The following STRADA variants were observed in gnomAD, a reference collection of about 807,000 sequenced individuals.
The protein encoded by STRADA is STE20-related kinase adapter protein alpha.
Under a neutral mutation model 55.0 loss-of-function variants are expected in STRADA, and 26 were observed. That is an observed-to-expected ratio of 0.47 (90% CI 0.35 to 0.66). The LOEUF (loss-of-function observed/expected upper bound fraction) is 0.66. STRADA is among the 30% of genes least tolerant of loss of function. STRADA has a pLI of 0.01. For missense variants in STRADA, 443 were observed against 549.7 expected, an observed-to-expected ratio of 0.81 and a Z score of 1.94; for synonymous variants, 197 against 210.9, an observed-to-expected ratio of 0.93 and a Z score of 0.57.
At chr17:63,723,972 T>G (rs2144098887) in intron 3 of STRADA, 1 of 152,326 alleles carries the variant, frequency 6.6e-6, no homozygotes, top group Non-Finnish European at 1.5e-5. Context: ...TGACCTTCTC[T>G]ATTCTGTAAA....
intron 2 of STRADA, 74 bp from the exon 3 acceptor site, chr17:63,726,769 G>T: frequency 6.8e-7 from 1 of 1,476,868 alleles, no homozygotes; most frequent in Non-Finnish European, 9.4e-7. Context: ...CCTTTAGACA[G>T]ACAAACAAAA....
chr17:63,736,836 A>AC (rs1430936261), intron 1 of STRADA, among the ~76,000 whole-genome samples: 1,469 of 55,944 alleles, frequency 0.026, 20 homozygotes, highest in South Asian at 0.044. Context: ...TCTTCCCCCC[A>AC]CGCCCCCCCC....
In STRADA at chr17:63,713,416, G is replaced by A. The variant is rs2036636491; in HGVS notation, c.338C>T (p.Thr113Ile). ...CTCATGGTTTATTACCTGCAAGAAT[G>A]TTACCATCTCATTGGAACAAGCTTC... is the stretch of plus-strand genomic sequence containing the variant. ...NLEACSNEMV[T>I]FLQGELHVSK... Residue 113 changes from threonine (T) to isoleucine (I), a missense_variant, in exon 6 of 13, where the codon ACA (threonine) becomes ATA (isoleucine). Thr to Ile is a moderately conservative substitution (Grantham distance 89). Transcript: ENST00000336174. 6.2e-7 allele frequency: 1 copy of A among 1,613,782 alleles called. No individual in the cohort carries two copies. Among genetic ancestry groups the A allele is most frequent in the Admixed American group, 1.7e-5 (1 of 59,964 alleles).
chr17:63,718,625 G>C (rs2037068093), intron 4 of STRADA, among the ~76,000 whole-genome samples: 2 of 152,108 alleles, frequency 1.3e-5, no homozygotes, highest in Non-Finnish European at 2.9e-5. Flanking sequence ...TTTGGCCCTT[G>C]CCTACCTCTG....
At chr17:63,712,998 C>T (rs2036605389) in intron 6 of STRADA, among the ~76,000 whole-genome samples, 1 of 78,982 alleles carries the variant, frequency 1.3e-5, no homozygotes, top group Non-Finnish European at 2.3e-5. Context: ...GAGAATCCGT[C>T]TCAAAAAAAA....
At chr17:63,703,943 A>G in intron 12 of STRADA, 62 bp downstream of exon 12, 1 of 1,609,676 alleles carries the variant, frequency 6.2e-7, no homozygotes, top group East Asian at 2.2e-5. Flanking sequence ...AGAAAGCTAA[A>G]GGGATTGTGA....
At position 63,703,326 on chromosome 17, in the gene STRADA, G is replaced by A. The variant is rs138987368; in HGVS notation, c.*273C>T. 148 of 353,562 alleles carry A rather than the reference G, an allele frequency of 4.2e-4. 2 individuals are homozygous for A. Among genetic ancestry groups the A allele is most frequent in the African/African-American group, 2.9e-3 (137 of 47,734 alleles). 21.9% of individuals were successfully genotyped at this position (353,562 alleles called of 1,614,324 possible). A position where few individuals can be genotyped will look rare whatever the true frequency, so the allele number is the denominator to read the frequency against. On this transcript the variant is annotated 3_prime_UTR_variant, in exon 13 of 13. Transcript: ENST00000336174. ...GGCCAGAGCAGCATCTCTCTTCTGC[G>A]GAGGAGGTCACCTGAGCTCACAGGA...
chr17:63,737,279 T>TAAAAAAAAAAAAA (rs2038516780), intron 1 of STRADA: 4 of 63,432 alleles, frequency 6.3e-5, no homozygotes, highest in Non-Finnish European at 1.1e-4. Flanking sequence ...AAAAAAAAAT[T>TAAAAAAAAAAAAA]GAGATAGTTC....
chr17:63,716,147 G>A (rs192134120), intron 4 of STRADA, among the ~76,000 whole-genome samples: 81 of 149,746 alleles, frequency 5.4e-4, no homozygotes, highest in African/African-American at 2.0e-3. Context: ...CCAGGCTGGA[G>A]TGCAGTGGCA....
Position 63,713,436 on chromosome 17 carries a change from A to C in STRADA, c.318T>G (p.Ala106=). The change falls in exon 6 of 13, where the codon GCT becomes GCG. Residue 106 remains alanine, a synonymous_variant. Transcript: ENST00000336174. ...AGAATGTTACCATCTCATTGGAACA[A>C]GCTTCTAGGTTAATCCTCCGTACAG... The part of the protein sequence containing the change: ...YVTVRRINLE[A]CSNEMVTFLQ... 6.2e-7 allele frequency: 1 copy of C among 1,614,128 alleles called. No individual in the cohort carries two copies. The highest frequency in any genetic ancestry group is 2.2e-5 in the East Asian group (1 of 44,880).
chr17:63,707,903 T>TTC (rs1357497822), intron 8 of STRADA, among the ~76,000 whole-genome samples: 1 of 150,448 alleles, frequency 6.6e-6, no homozygotes, highest in East Asian at 2.0e-4. Flanking sequence ...GCTAATTTTT[T>TTC]TTTTTTTGTA....
chr17:63,707,823 C>T (rs896244450), intron 8 of STRADA, among the ~76,000 whole-genome samples: 7 of 151,666 alleles, frequency 4.6e-5, no homozygotes, highest in East Asian at 1.9e-4. Flanking sequence ...CTCCGCCTCC[C>T]GGGTTCACAC....
intron 10 of STRADA, chr17:63,704,836 T>C: frequency 6.5e-7 from 1 of 1,535,726 alleles, no homozygotes; most frequent in Non-Finnish European, 8.7e-7. Flanking sequence ...TCGCCATGGC[T>C]GGAAAGCAGG....
intron 1 of STRADA, among the ~76,000 whole-genome samples, chr17:63,739,693 T>G (rs563915295): frequency 6.7e-6 from 1 of 148,772 alleles, no homozygotes; most frequent in East Asian, 1.9e-4. Context: ...GTACATAGTG[T>G]ATTAATATGT....
At chr17:63,706,564 G>A (rs1302721351) in intron 10 of STRADA, 71 bp downstream of exon 10, 4 of 1,087,586 alleles carry the variant, frequency 3.7e-6, no homozygotes, top group Admixed American at 1.8e-5. Context: ...TGTCCTGAGT[G>A]TGAGAGCTAC....
chr17:63,710,225 GACAGGGTTTC>G (rs1461302632), intron 8 of STRADA: 1 of 346,652 alleles, frequency 2.9e-6, no homozygotes, highest in Non-Finnish European at 5.4e-6. Context: ...TTTTAGTAGA[GACAGGGTTTC>G]ACTATGTTGG....
intron 3 of STRADA, among the ~76,000 whole-genome samples, chr17:63,724,434 C>T (rs1460206460): frequency 1.4e-5 from 2 of 147,306 alleles, no homozygotes; most frequent in African/African-American, 5.0e-5. Context: ...TGAGCCACTG[C>T]GCCTGGCCTA....
At chr17:63,741,403 C>T (rs765571499) in intron 1 of STRADA, 1 of 152,322 alleles carries the variant, frequency 6.6e-6, no homozygotes, top group Non-Finnish European at 1.5e-5. Flanking sequence ...CGGGGTCGGC[C>T]GCCACTCTGC....
chr17:63,724,675 G>C lies in STRADA; in HGVS notation c.95-1349C>G, dbSNP rs372091336. ...GATCTGCCCACCTCGGCCTCCCAAAGTGCTGGGATTCCATGCATGAGCCAC... is the reference window on the plus strand; with the variant it reads ...GATCTGCCCACCTCGGCCTCCCAAACTGCTGGGATTCCATGCATGAGCCAC... On this transcript the variant is annotated intron_variant, in intron 3 of 12. Coordinates refer to ENST00000336174, the MANE Select transcript of STRADA (RefSeq NM_001003787.4). Among the ~76,000 whole-genome samples the C allele has an allele frequency of 4.6e-5, 7 of 152,220 alleles. No homozygotes were observed. In the South Asian group the frequency reaches 8.3e-4, roughly 18 times the overall value.
Sources: gnomAD v4.1 joint callset for allele counts (sites outside exome capture counted in the v4.1 genomes callset) on GRCh38, gnomAD v4.1.1 for gene constraint, MANE v1.5 for transcripts, NCBI Gene and HGNC (gene_info 2026-07-23, HGNC 2026-07-21) for gene names.